CADPS2: variants seen among roughly 807,000 people sequenced by gnomAD.
The protein encoded by CADPS2 is calcium-dependent secretion activator 2.
A neutral mutation model predicts 172.5 loss-of-function variants in CADPS2; 93 were observed. The ratio of observed to expected loss-of-function variants is 0.54; its 90% CI spans 0.46 to 0.64. The LOEUF is 0.64. Ranked by LOEUF, CADPS2 falls within the 30% of genes least tolerant of loss-of-function variation. The pLI is 0.00. For missense variants in CADPS2, 1,420 were observed against 1,565.9 expected (o/e 0.91, Z 1.57); for synonymous variants, 546 against 555.2 (o/e 0.98, Z 0.23).
At chr7:122,863,473 A>T (rs1817492734) in intron 1 of CADPS2, among the ~76,000 whole-genome samples, 1 of 152,212 alleles carries the variant, frequency 6.6e-6, no homozygotes, top group Non-Finnish European at 1.5e-5. Flanking sequence ...AGAAAATTCA[A>T]AAACACCCCC....
rs6977021 is a variant in CADPS2 at position 122,424,108 on chromosome 7, T to C, written c.2477-7944A>G. On this transcript the variant is annotated intron_variant, in intron 17 of 29. Coordinates refer to ENST00000449022, the MANE Select transcript of CADPS2 (RefSeq NM_017954.11). ...AATCCAGGATGGTATAGCCTCCCGA[T>C]AGGTATTTAAAATCCACACAAATAC... 9.6e-3 allele frequency: 1,475 copies of C among 153,142 alleles called. 22 individuals are homozygous for C. Among genetic ancestry groups the C allele is most frequent in the African/African-American group, 0.034 (1,405 of 41,544 alleles). The allele number at this position is 153,142 out of a possible 1,614,324, so 9.5% of individuals were successfully genotyped here.
At chr7:122,553,077 G>C (rs557748907) in intron 8 of CADPS2, among the ~76,000 whole-genome samples, 6 of 152,184 alleles carry the variant, frequency 3.9e-5, no homozygotes, top group African/African-American at 1.2e-4. Flanking sequence ...TATCCTTCAA[G>C]TTTTATCTCA....
At chr7:122,850,589 A>T (rs1276842448) in intron 1 of CADPS2, among the ~76,000 whole-genome samples, 1 of 152,182 alleles carries the variant, frequency 6.6e-6, no homozygotes, top group Non-Finnish European at 1.5e-5. Flanking sequence ...TCTGGAAAGA[A>T]GGGAGCTGGG....
chr7:122,830,624 T>C (rs1806262591), intron 1 of CADPS2, among the ~76,000 whole-genome samples: 1 of 152,240 alleles, frequency 6.6e-6, no homozygotes, highest in Non-Finnish European at 1.5e-5. Flanking sequence ...AAACATTGGA[T>C]TTCAATGCTG....
intron 1 of CADPS2, among the ~76,000 whole-genome samples, chr7:122,783,303 T>C (rs571102911): frequency 4.2e-4 from 64 of 152,358 alleles, no homozygotes; most frequent in African/African-American, 1.4e-3. Context: ...TTGTATTTAA[T>C]ATAATAACTA....
At chr7:122,828,186 C>A (rs1805505320) in intron 1 of CADPS2, among the ~76,000 whole-genome samples, 1 of 152,080 alleles carries the variant, frequency 6.6e-6, no homozygotes, top group African/African-American at 2.4e-5. Context: ...GAACTAGTAT[C>A]TCTAATAATT....
intron 11 of CADPS2, among the ~76,000 whole-genome samples, chr7:122,481,162 C>CTTTTTTTTTTTTTTTTTTTTTTTT (rs35352953): frequency 9.3e-6 from 1 of 107,546 alleles, no homozygotes. Flanking sequence ...TTTCTTCATT[C>CTTTTTTTTTTTTTTTTTTTTTTTT]TTTTTTTTTT....
chr7:122,331,610 G>C (rs2034963272), intron 28 of CADPS2, among the ~76,000 whole-genome samples: 1 of 152,198 alleles, frequency 6.6e-6, no homozygotes, highest in Non-Finnish European at 1.5e-5. Context: ...CTGCACTCCT[G>C]CCTGGTTGAT....
intron 1 of CADPS2, among the ~76,000 whole-genome samples, chr7:122,812,794 C>A (rs1021955697): frequency 1.3e-5 from 2 of 152,120 alleles, no homozygotes; most frequent in African/African-American, 4.8e-5. Flanking sequence ...GGTATTATGG[C>A]AGACCAGATG....
At chr7:122,878,670 A>C (rs1043898079) in intron 1 of CADPS2, among the ~76,000 whole-genome samples, 11 of 151,386 alleles carry the variant, frequency 7.3e-5, no homozygotes, top group African/African-American at 2.4e-5. Flanking sequence ...AAATAAATAA[A>C]TAAATAAATA....
intron 6 of CADPS2, among the ~76,000 whole-genome samples, chr7:122,605,749 C>T (rs1007496722): frequency 4.6e-5 from 7 of 152,146 alleles, no homozygotes; most frequent in Admixed American, 2.0e-4. Flanking sequence ...AAATATATCA[C>T]ACAAATGTGC....
At chr7:122,733,533 C>A (rs1420914688) in intron 2 of CADPS2, among the ~76,000 whole-genome samples, 1 of 134,654 alleles carries the variant, frequency 7.4e-6, no homozygotes, top group African/African-American at 2.6e-5. Context: ...AAGAGCCAAT[C>A]CTTCAAGATG....
At chr7:122,712,044 G>A (rs1318247639) in intron 2 of CADPS2, among the ~76,000 whole-genome samples, 1 of 151,896 alleles carries the variant, frequency 6.6e-6, no homozygotes, top group Non-Finnish European at 1.5e-5. Context: ...AAACACTCTT[G>A]TATCTTTTAA....
At chr7:122,722,352 T>G (rs963604778) in intron 2 of CADPS2, among the ~76,000 whole-genome samples, 3 of 151,932 alleles carry the variant, frequency 2.0e-5, no homozygotes, top group African/African-American at 7.3e-5. Flanking sequence ...ACTCTCAGGA[T>G]ACAAAATCAA....
chr7:122,509,752 C>T (rs2130758267), intron 9 of CADPS2, among the ~76,000 whole-genome samples: 1 of 152,276 alleles, frequency 6.6e-6, no homozygotes, highest in South Asian at 2.1e-4. Context: ...GAGTAAGTTC[C>T]ATAACCCCTC....
In CADPS2 at chr7:122,737,011, C is replaced by T. The variant is rs1410319295; in HGVS notation, c.397G>A (p.Glu133Lys). The T allele has an allele frequency of 2.5e-6, 4 of 1,612,664 alleles. No homozygotes were observed. Among genetic ancestry groups the T allele is most frequent in the Admixed American group, 3.3e-5 (2 of 59,986 alleles). The change falls in exon 2 of 30, where the codon GAA becomes AAA. Residue 133 changes from glutamate to lysine, a missense_variant. Glu to Lys is a moderately conservative substitution (Grantham distance 56). Transcript: ENST00000449022. ...GCTTCGTCAGCTACAATTTGGGTTTCCCCATTGAGGAAGGCCTGGAACCGT... is the reference window on the plus strand; with the variant it reads ...GCTTCGTCAGCTACAATTTGGGTTTTCCCATTGAGGAAGGCCTGGAACCGT... ...KERFQAFLNGETQIVADEAFC... is the reference protein window; with the variant it reads ...KERFQAFLNGKTQIVADEAFC...
intron 1 of CADPS2, among the ~76,000 whole-genome samples, chr7:122,837,763 G>A (rs1345538682): frequency 6.6e-6 from 1 of 152,096 alleles, no homozygotes; most frequent in Non-Finnish European, 1.5e-5. Flanking sequence ...CCAATAACAG[G>A]CTCTGAAATT....
At chr7:122,839,060 G>A (rs565765142) in intron 1 of CADPS2, among the ~76,000 whole-genome samples, 6 of 152,226 alleles carry the variant, frequency 3.9e-5, no homozygotes, top group South Asian at 4.1e-4. Context: ...AAAACAGCAC[G>A]GTGCTGGTAC....
intron 1 of CADPS2, among the ~76,000 whole-genome samples, chr7:122,745,123 C>CTG (rs144006271): frequency 2.6e-4 from 39 of 150,466 alleles, no homozygotes; most frequent in Middle Eastern, 3.4e-3. Flanking sequence ...CCTTTTGTGT[C>CTG]TGTGTGTGTG....
Sources: allele counts gnomAD v4.1 joint callset (sites outside exome capture counted in the v4.1 genomes callset), GRCh38; gene constraint gnomAD v4.1.1; transcripts MANE v1.5; gene names NCBI Gene and HGNC (gene_info 2026-07-23, HGNC 2026-07-21).